The following SPINT2 variants were observed in gnomAD, a reference collection of about 807,000 sequenced individuals.
SPINT2 encodes the protein kunitz-type protease inhibitor 2.
Under a neutral mutation model 30.1 loss-of-function variants are expected in SPINT2, and 18 were observed. The ratio of observed to expected loss-of-function variants is 0.60; its 90% CI spans 0.41 to 0.89. SPINT2 has a LOEUF of 0.89. SPINT2 is among the 40% of genes least tolerant of loss of function. SPINT2 has a pLI of 0.00. For synonymous variants in SPINT2, 139 were observed against 137.9 expected (o/e 1.01, Z -0.05); for missense variants, 276 against 334.3 (o/e 0.83, Z 1.36).
At chr19:38,291,599 G>A (rs371293591) in intron 6 of SPINT2, 21 of 537,508 alleles carry the variant, frequency 3.9e-5, no homozygotes, top group African/African-American at 2.8e-4. Flanking sequence ...CTCTGCTGGC[G>A]ACACGGCCAC....
chr19:38,284,232 T>G (rs1487072923), intron 2 of SPINT2, among the ~76,000 whole-genome samples: 1 of 152,032 alleles, frequency 6.6e-6, no homozygotes, highest in Non-Finnish European at 1.5e-5. Flanking sequence ...TAGTTGGGAC[T>G]ACAGGCACAT....
chr19:38,282,551 C>T (rs1234271489), intron 1 of SPINT2, among the ~76,000 whole-genome samples: 3 of 152,242 alleles, frequency 2.0e-5, no homozygotes, highest in African/African-American at 7.2e-5. Context: ...TTCTCTCTCC[C>T]TTTCAAGAGA....
chr19:38,268,764 C>CGTGTGTGTGTGTGT (rs1317352177), intron 1 of SPINT2, among the ~76,000 whole-genome samples: 152 of 141,398 alleles, frequency 1.1e-3, no homozygotes, highest in African/African-American at 4.0e-3. Flanking sequence ...CATGCGCGCG[C>CGTGTGTGTGTGTGT]GCGTGTGTGT....
At chr19:38,265,070 C>A in intron 1 of SPINT2, 72 bp downstream of exon 1, 1 of 1,193,238 alleles carries the variant, frequency 8.4e-7, no homozygotes, top group Non-Finnish European at 1.1e-6. Context: ...GGGGTCTGAG[C>A]AGGGAGAACT....
At chr19:38,267,720 A>T (rs547060661) in intron 1 of SPINT2, among the ~76,000 whole-genome samples, 1 of 152,198 alleles carries the variant, frequency 6.6e-6, no homozygotes, top group Admixed American at 6.5e-5. Flanking sequence ...ATCTACCTGG[A>T]TATAGAAATC....
chr19:38,270,206 T>G (rs1340179286), intron 1 of SPINT2, among the ~76,000 whole-genome samples: 3 of 152,152 alleles, frequency 2.0e-5, no homozygotes, highest in Admixed American at 1.3e-4. Flanking sequence ...TGGTCAGAGA[T>G]AAGATGACAG....
In SPINT2 at chr19:38,283,326, A is replaced by G. The variant is rs2060243; in HGVS notation, c.107-301A>G. On this transcript the variant is annotated intron_variant, in intron 1 of 6. Transcript: ENST00000301244. Reference sequence around the variant, plus strand: ...GAGACTCTCTCTCCAAAATAAATAAATAAAGTTATGTTTCTACACTGGATG... The same window carrying G: ...GAGACTCTCTCTCCAAAATAAATAAGTAAAGTTATGTTTCTACACTGGATG... Among the ~76,000 whole-genome samples, 59,962 of 151,976 alleles carry G rather than the reference A, an allele frequency of 0.39. 12,595 individuals carry two copies. The highest frequency in any genetic ancestry group is 0.64 in the East Asian group (3,319 of 5,160).
chr19:38,279,316 T>C (rs532713364), intron 1 of SPINT2, among the ~76,000 whole-genome samples: 60 of 151,772 alleles, frequency 4.0e-4, no homozygotes, highest in African/African-American at 1.4e-3. Context: ...CTCACCAACA[T>C]TGAGAAACCG....
chr19:38,289,173 G>A lies in SPINT2; in HGVS notation c.373G>A (p.Asp125Asn), dbSNP rs749590138. ...GCAGGATTCTGAAGACCACTCCAGCGATATGTTCAACTATGAAGGTAAAAC... is the reference window on the plus strand; with the variant it reads ...GCAGGATTCTGAAGACCACTCCAGCAATATGTTCAACTATGAAGGTAAAAC... ...RRQDSEDHSS[D>N]MFNYEEYCTA... The change falls in exon 4 of 7, where the codon GAT becomes AAT. Residue 125 changes from aspartate (D) to asparagine (N), a missense_variant. Asp to Asn is a conservative substitution (Grantham distance 23). Transcript: ENST00000301244. 8 of 1,613,766 alleles carry A rather than the reference G, an allele frequency of 5.0e-6. No homozygotes were observed. Among genetic ancestry groups the A allele is most frequent in the African/African-American group, 2.7e-5 (2 of 74,864 alleles).
At chr19:38,291,745 T>G in intron 6 of SPINT2, 95 bp from the exon 7 acceptor site, 14 of 1,486,666 alleles carry the variant, frequency 9.4e-6, no homozygotes, top group Non-Finnish European at 1.3e-5. Context: ...GTCCTCAGGC[T>G]GAGCCCACCT....
At chr19:38,287,763 A>G (rs1369036506) in intron 2 of SPINT2, 113 bp from the exon 3 acceptor site, 3 of 1,137,272 alleles carry the variant, frequency 2.6e-6, no homozygotes, top group Non-Finnish European at 4.0e-6. Context: ...TGAAGGTCCC[A>G]TGTAAAGGAG....
chr19:38,285,834 C>A (rs893071616), intron 2 of SPINT2, among the ~76,000 whole-genome samples: 18 of 152,168 alleles, frequency 1.2e-4, no homozygotes, highest in African/African-American at 4.1e-4. Context: ...CTTGGGAGAA[C>A]TATCTTTTGC....
chr19:38,276,988 G>A (rs1010155344), intron 1 of SPINT2, among the ~76,000 whole-genome samples: 1 of 151,514 alleles, frequency 6.6e-6, no homozygotes, highest in Admixed American at 6.6e-5. Flanking sequence ...TTTCAGTAGA[G>A]ATGGGGTTTC....
Position 38,265,322 on chromosome 19 carries a change from TCTC to T in SPINT2, c.106+327_106+329del, listed in dbSNP as rs1305040821. ...GAGGAGCCGAATTGAAGACCAGCCT[TCTC>T]CTGGCGGTGGAAAGTTCCATGGCCA... On this transcript the variant is annotated intron_variant, in intron 1 of 6. Transcript: ENST00000301244. 3.4e-5 allele frequency: 7 copies of T among 204,530 alleles called. No individual in the cohort carries two copies. In the East Asian group the frequency reaches 4.9e-4, roughly 14 times the overall value. 12.7% of individuals were successfully genotyped at this position (204,530 alleles called of 1,614,324 possible). A position where few individuals can be genotyped will look rare whatever the true frequency, so the allele number is the denominator to read the frequency against.
In SPINT2 at chr19:38,289,354, T is replaced by C. The variant is rs557969313; in HGVS notation, c.391+163T>C. 72 of 597,028 alleles carry C rather than the reference T, an allele frequency of 1.2e-4. No individual in the cohort carries two copies. In the African/African-American group the frequency reaches 1.3e-3, roughly 11 times the overall value. 37.0% of individuals were successfully genotyped at this position (597,028 alleles called of 1,614,324 possible). A position where few individuals can be genotyped will look rare whatever the true frequency, so the allele number is the denominator to read the frequency against. On this transcript the variant is annotated intron_variant, in intron 4 of 6. Coordinates refer to ENST00000301244, the MANE Select transcript of SPINT2 (RefSeq NM_021102.4). Reference sequence around the variant, plus strand: ...GAAAAATTAGCTGGACGTAGTGGCATGCACCTGTAGTCCCAGCTACTCAGG... The same window carrying C: ...GAAAAATTAGCTGGACGTAGTGGCACGCACCTGTAGTCCCAGCTACTCAGG...
chr19:38,268,515 G>T (rs898543801), intron 1 of SPINT2, among the ~76,000 whole-genome samples: 1 of 152,156 alleles, frequency 6.6e-6, no homozygotes, highest in Non-Finnish European at 1.5e-5. Context: ...CAGAACACAG[G>T]CCTGTTTTCC....
chr19:38,289,484 CAAAAAAAAAAAAAAAA>C (rs58140440), intron 4 of SPINT2: 2 of 36,094 alleles, frequency 5.5e-5, no homozygotes, highest in South Asian at 7.8e-4. Context: ...GACTCTGTCT[CAAAAAAAAAAAAAAAA>C]AAAAAAAAAA....
Position 38,290,379 on chromosome 19 carries a change from G to C in SPINT2, c.553+99G>C. The C allele has an allele frequency of 6.3e-7, 1 of 1,575,526 alleles. No homozygotes were observed. The highest frequency in any genetic ancestry group is 8.6e-7 in the Non-Finnish European group (1 of 1,160,148). On this transcript the variant is annotated intron_variant, in intron 5 of 6. Transcript: ENST00000301244. This position sits in a 1 kb window ranked among gnomAD's most constrained non-coding sequence, Gnocchi z 4.3. ...TGAAGGCCTTGGAAATGCTGTTCTTGGGCCCACCAGGGCAGCAAGGCCTCT... is the reference window on the plus strand; with the variant it reads ...TGAAGGCCTTGGAAATGCTGTTCTTCGGCCCACCAGGGCAGCAAGGCCTCT...
At chr19:38,282,346 C>T (rs1262482310) in intron 1 of SPINT2, among the ~76,000 whole-genome samples, 2 of 152,182 alleles carry the variant, frequency 1.3e-5, no homozygotes, top group African/African-American at 4.8e-5. Context: ...CATCCTGTGC[C>T]AGGCCCTGTG....
Sources: allele counts gnomAD v4.1 joint callset (sites outside exome capture counted in the v4.1 genomes callset), GRCh38; gene constraint gnomAD v4.1.1; non-coding constraint Gnocchi (gnomAD v3.1); transcripts MANE v1.5; gene names NCBI Gene and HGNC (gene_info 2026-07-23, HGNC 2026-07-21).